Variants in MMD2 observed in about 807,000 individuals in gnomAD.
MMD2 encodes monocyte to macrophage differentiation factor 2.
A neutral mutation model predicts 33.5 loss-of-function variants in MMD2; 30 were observed. The observed-to-expected ratio is 0.90, with a 90% CI of 0.67 to 1.22. The LOEUF (loss-of-function observed/expected upper bound fraction) is 1.22, where lower values mean the gene tolerates loss of function less well. Among genes scored for constraint, MMD2 ranks in the 50% most tolerant of loss-of-function variants. The probability of loss-of-function intolerance (pLI) is 0.00; values close to 1 mark genes in which losing one functional copy is unlikely to be tolerated. For synonymous variants in MMD2, 129 were observed against 123.0 expected (o/e 1.05, Z -0.32); for missense variants, 364 against 325.4 (o/e 1.12, Z -0.91).
intron 1 of MMD2, 141 bp from the exon 2 acceptor site, chr7:4,925,673 C>T: frequency 1.9e-6 from 1 of 513,892 alleles, no homozygotes. Flanking sequence ...CCCCCTCTCT[C>T]TCTGTCTTCT....
intron 1 of MMD2, among the ~76,000 whole-genome samples, chr7:4,957,171 A>AT (rs1352117242): frequency 8.3e-5 from 11 of 132,916 alleles, no homozygotes; most frequent in Non-Finnish European, 1.5e-4. Context: ...CTCAAAAAAA[A>AT]AAATATATAT....
chr7:4,894,268 C>T, the MMD2 span, among the ~76,000 whole-genome samples: 1 of 152,162 alleles, frequency 6.6e-6, no homozygotes, highest in Non-Finnish European at 1.5e-5. This position sits in a 1 kb window ranked among gnomAD's most constrained non-coding sequence, Gnocchi z 4.3. Flanking sequence ...TAAGGAAGTC[C>T]AGGCCACATG....
intron 6 of MMD2, among the ~76,000 whole-genome samples, chr7:4,908,619 G>T (rs888951669): frequency 6.6e-6 from 1 of 152,130 alleles, no homozygotes; most frequent in East Asian, 1.9e-4. Flanking sequence ...TGAGCTCAAG[G>T]CCGGGCACGG....
In MMD2 at chr7:4,957,801, G is replaced by A. The variant is rs1272376992; in HGVS notation, c.47+1170C>T. On this transcript the variant is annotated intron_variant, in intron 1 of 6. Transcript: ENST00000401401. The stretch of plus-strand genomic sequence containing the variant: ...AGATAGACTCATCATGTCCCCCAGG[G>A]GGAAACAGAGGGTGAGACTGAGGGG... 7.2e-5 allele frequency among the ~76,000 whole-genome samples: 11 copies of A among 152,300 alleles called. No individual in the cohort carries two copies. In the South Asian group the frequency reaches 2.1e-3, roughly 29 times the overall value.
chr7:4,892,666 A>G, the MMD2 span, among the ~76,000 whole-genome samples: 1,313 of 152,058 alleles, frequency 8.6e-3, 16 homozygotes, highest in African/African-American at 0.03. Flanking sequence ...GACAGGTAGA[A>G]CATACTAAGA....
intron 2 of MMD2, among the ~76,000 whole-genome samples, chr7:4,922,401 C>G (rs977479915): frequency 3.9e-5 from 6 of 152,062 alleles, no homozygotes; most frequent in African/African-American, 1.4e-4. Flanking sequence ...GAAACCCCAT[C>G]TCTACTAAAA....
intron 4 of MMD2, among the ~76,000 whole-genome samples, chr7:4,912,561 CAA>C (rs1193941557): frequency 2.0e-4 from 23 of 116,382 alleles, no homozygotes; most frequent in Non-Finnish European, 2.2e-4. Flanking sequence ...GACTCTGTCT[CAA>C]AAAAAAAAAA....
chr7:4,905,661 C>T (rs1784853693), downstream of MMD2, among the ~76,000 whole-genome samples: 1 of 152,136 alleles, frequency 6.6e-6, no homozygotes, highest in Non-Finnish European at 1.5e-5. This position sits in a 1 kb window ranked among gnomAD's most constrained non-coding sequence, Gnocchi z 5.0. Context: ...CCCAGAACCC[C>T]CTCTCCCAGC....
chr7:4,906,162 C>A lies in MMD2; in HGVS notation c.*1234G>T. 1 of 245,072 alleles carries A rather than the reference C, an allele frequency of 4.1e-6. No individual in the cohort carries two copies. The highest frequency in any genetic ancestry group is 1.8e-4 in the South Asian group (1 of 5,594). The allele number at this position is 245,072 out of a possible 1,614,324, so 15.2% of individuals were successfully genotyped here. A position where few individuals can be genotyped will look rare whatever the true frequency, so the allele number is the denominator to read the frequency against. The stretch of plus-strand genomic sequence containing the variant: ...AGGACCTCCTGACTTGAGACAGATT[C>A]TTTATCCAGAGAATCTGAGATTCCA... On this transcript the variant is annotated 3_prime_UTR_variant, in exon 7 of 7. Transcript: ENST00000401401.
At chr7:4,932,712 T>A (rs1444414836) in intron 1 of MMD2, among the ~76,000 whole-genome samples, 1 of 150,832 alleles carries the variant, frequency 6.6e-6, no homozygotes, top group Non-Finnish European at 1.5e-5. Context: ...AGCTTCCACC[T>A]CTTGGGTTCA....
chr7:4,949,353 G>T (rs1430287730), intron 1 of MMD2, among the ~76,000 whole-genome samples: 1 of 151,850 alleles, frequency 6.6e-6, no homozygotes, highest in Admixed American at 6.6e-5. Context: ...CCAGCCTCTG[G>T]TAACCATCCT....
At chr7:4,945,237 TTCC>T (rs1370948797) in intron 1 of MMD2, among the ~76,000 whole-genome samples, 15 of 147,118 alleles carry the variant, frequency 1.0e-4, no homozygotes, top group Non-Finnish European at 2.1e-4. Flanking sequence ...CTTCTTCTTC[TTCC>T]TCTCTCTCTT....
chr7:4,942,244 T>C (rs1226779151), intron 1 of MMD2, among the ~76,000 whole-genome samples: 1 of 146,170 alleles, frequency 6.8e-6, no homozygotes, highest in African/African-American at 2.6e-5. Flanking sequence ...TGAGCCACCA[T>C]GCCTGGTCTT....
Position 4,907,556 on chromosome 7 carries a change from A to G in MMD2, c.581T>C (p.Phe194Ser). The change falls in exon 7 of 7, where the codon TTC becomes TCC. Residue 194 changes from phenylalanine to serine, a missense_variant. By Grantham distance (155) the Phe-to-Ser change is radical. Transcript: ENST00000401401. The stretch of plus-strand genomic sequence containing the variant: ...GAAGAAGACCATGCCCAGGCAGTAG[A>G]AGACCCCTCCGGTCACCAGCTCCCA... ...GIWELVTGGV[F>S]YCLGMVFFKS... 1 of 1,613,320 alleles carries G rather than the reference A, an allele frequency of 6.2e-7. No individual in the cohort carries two copies. Among genetic ancestry groups the G allele is most frequent in the South Asian group, 1.1e-5 (1 of 91,044 alleles).
In MMD2 at chr7:4,925,951, G is replaced by A. The variant is rs150694110; in HGVS notation, c.48-419C>T. 3.4e-3 allele frequency among the ~76,000 whole-genome samples: 519 copies of A among 151,834 alleles called. 3 individuals carry two copies. The highest frequency in any genetic ancestry group is 0.012 in the African/African-American group (478 of 41,414). On this transcript the variant is annotated intron_variant, in intron 1 of 6. Transcript: ENST00000401401. ...GCCTCAGCCTCCTGAGTAGCTGGGC[G>A]TGTGCCACCACGCCAGGCTAATTCT...
intron 4 of MMD2, among the ~76,000 whole-genome samples, chr7:4,912,562 A>C (rs1038377591): frequency 2.8e-5 from 4 of 142,718 alleles, no homozygotes; most frequent in African/African-American, 1.0e-4. Flanking sequence ...ACTCTGTCTC[A>C]AAAAAAAAAA....
chr7:4,907,350 G>C lies in MMD2; in HGVS notation c.*46C>G, dbSNP rs116793117. 41 of 1,586,306 alleles carry C rather than the reference G, an allele frequency of 2.6e-5. No individual in the cohort carries two copies. Among genetic ancestry groups the C allele is most frequent in the Non-Finnish European group, 3.1e-5 (36 of 1,156,588 alleles). ...GCTCTGGGTTAACGTTCACAGAAAC[G>C]TGCTCCACTCCTAAAGCCCAAACGA... is the stretch of plus-strand genomic sequence containing the variant. On this transcript the variant is annotated 3_prime_UTR_variant, in exon 7 of 7. Transcript: ENST00000401401.
At chr7:4,943,169 C>T (rs561387567) in intron 1 of MMD2, among the ~76,000 whole-genome samples, 87 of 151,926 alleles carry the variant, frequency 5.7e-4, no homozygotes, top group Non-Finnish European at 7.2e-4. Flanking sequence ...GCCACCACGC[C>T]CCGCTAATTT....
intron 1 of MMD2, among the ~76,000 whole-genome samples, chr7:4,949,141 C>A (rs1317101861): frequency 6.6e-6 from 1 of 150,614 alleles, no homozygotes; most frequent in Non-Finnish European, 1.5e-5. Context: ...GCCTGGGAGG[C>A]AAAGGTTGCA....
Sources: gnomAD v4.1 joint callset for allele counts (sites outside exome capture counted in the v4.1 genomes callset) on GRCh38, gnomAD v4.1.1 for gene constraint, Gnocchi (gnomAD v3.1) non-coding constraint, MANE v1.5 for transcripts, NCBI Gene and HGNC (gene_info 2026-07-23, HGNC 2026-07-21) for gene names.